Variants in MAN1A2 observed in about 807,000 individuals in gnomAD.
MAN1A2 encodes the protein mannosyl-oligosaccharide 1,2-alpha-mannosidase IB.
Under a neutral mutation model 75.7 loss-of-function variants are expected in MAN1A2, and 26 were observed. That is an observed-to-expected ratio of 0.34 (90% confidence interval 0.25 to 0.48). The LOEUF (loss-of-function observed/expected upper bound fraction) is 0.48. Ranked by LOEUF, MAN1A2 falls within the 20% of genes least tolerant of loss-of-function variation. MAN1A2 has a pLI of 0.99. For synonymous variants in MAN1A2, 247 were observed against 264.6 expected (o/e 0.93, Z 0.65); for missense variants, 562 against 775.5 (o/e 0.72, Z 3.27).
At chr1:117,513,488 G>T (rs1446699163) in intron 12 of MAN1A2, among the ~76,000 whole-genome samples, 1 of 151,728 alleles carries the variant, frequency 6.6e-6, no homozygotes, top group Non-Finnish European at 1.5e-5. Flanking sequence ...ACTTTTTGAT[G>T]GTCCGTTAAT....
intron 1 of MAN1A2, among the ~76,000 whole-genome samples, chr1:117,370,668 A>G (rs1034041906): frequency 4.6e-5 from 7 of 152,054 alleles, no homozygotes; most frequent in Non-Finnish European, 7.4e-5. Context: ...TACTAAGATC[A>G]TATGTATTTT....
intron 6 of MAN1A2, among the ~76,000 whole-genome samples, chr1:117,452,399 C>G (rs1378404725): frequency 6.6e-6 from 1 of 151,890 alleles, no homozygotes; most frequent in Non-Finnish European, 1.5e-5. Flanking sequence ...AAAAACTAGG[C>G]CTCTTGTGCC....
intron 4 of MAN1A2, among the ~76,000 whole-genome samples, chr1:117,416,770 C>T (rs1026947444): frequency 6.6e-6 from 1 of 152,136 alleles, no homozygotes; most frequent in African/African-American, 2.4e-5. Flanking sequence ...AGCTTGGGCT[C>T]TATGGAACTG....
chr1:117,371,225 T>C (rs1373703373), intron 1 of MAN1A2, among the ~76,000 whole-genome samples: 1 of 152,154 alleles, frequency 6.6e-6, no homozygotes, highest in Non-Finnish European at 1.5e-5. Flanking sequence ...TAGGGTACAG[T>C]TTGATTAATA....
chr1:117,421,905 A>G (rs966987053), intron 5 of MAN1A2, among the ~76,000 whole-genome samples: 2 of 152,098 alleles, frequency 1.3e-5, no homozygotes, highest in Admixed American at 1.3e-4. Flanking sequence ...GGACCGATTC[A>G]GTGGGTTTAG....
chr1:117,375,476 GT>G, intron 1 of MAN1A2, among the ~76,000 whole-genome samples: 1 of 152,072 alleles, frequency 6.6e-6, no homozygotes, highest in South Asian at 2.1e-4. Context: ...AAGAACACAG[GT>G]GTTGTTTTTC....
At position 117,528,059 on chromosome 1, in the gene MAN1A2, T is replaced by C. The variant is rs1025229201; in HGVS notation, c.*5102T>C. The C allele has an allele frequency of 2.6e-5, 4 of 152,036 alleles. No homozygotes were observed. The highest frequency in any genetic ancestry group is 9.7e-5 in the African/African-American group (4 of 41,408). The allele number at this position is 152,036 out of a possible 1,614,324, so 9.4% of individuals were successfully genotyped here. On this transcript the variant is annotated 3_prime_UTR_variant, in exon 13 of 13. Transcript: ENST00000356554. ...ATCCTTTACAAGTAAGTAGCATTAT[T>C]TCAGAATGTCTATATGCATCATTTT...
intron 10 of MAN1A2, among the ~76,000 whole-genome samples, chr1:117,497,349 G>C (rs1651063141): frequency 6.6e-6 from 1 of 151,918 alleles, no homozygotes; most frequent in African/African-American, 2.4e-5. Context: ...CAGTTATATT[G>C]CCTTGCCTAT....
chr1:117,435,456 A>T (rs1648818620), intron 5 of MAN1A2, among the ~76,000 whole-genome samples: 1 of 152,212 alleles, frequency 6.6e-6, no homozygotes, highest in East Asian at 1.9e-4. Context: ...GATCTGTTTC[A>T]GTGAAATGAT....
At chr1:117,486,930 A>G (rs1469952722) in intron 8 of MAN1A2, among the ~76,000 whole-genome samples, 2 of 152,092 alleles carry the variant, frequency 1.3e-5, no homozygotes, top group East Asian at 3.9e-4. Context: ...AAATTTAATC[A>G]GTGTTTAAGT....
At chr1:117,431,197 GAGGGGGAGGGGGA>G (rs1397457631) in intron 5 of MAN1A2, among the ~76,000 whole-genome samples, 15 of 28,434 alleles carry the variant, frequency 5.3e-4, no homozygotes, top group Non-Finnish European at 9.2e-4. Context: ...TGGGGAGAGG[GAGGGGGAGGGGGA>G]GGGGGAGGGG....
intron 2 of MAN1A2, among the ~76,000 whole-genome samples, chr1:117,404,603 G>A (rs576981944): frequency 6.6e-6 from 1 of 152,168 alleles, no homozygotes; most frequent in South Asian, 2.1e-4. Context: ...TCAGATTGCA[G>A]AATAAAAAAG....
At chr1:117,474,664 T>G (rs1339844879) in intron 8 of MAN1A2, among the ~76,000 whole-genome samples, 4 of 151,996 alleles carry the variant, frequency 2.6e-5, no homozygotes, top group African/African-American at 9.7e-5. Context: ...TATTCTTTGG[T>G]TTTGTTTATT....
intron 1 of MAN1A2, among the ~76,000 whole-genome samples, chr1:117,390,594 T>C (rs879698906): frequency 1.3e-4 from 19 of 151,890 alleles, no homozygotes; most frequent in Admixed American, 7.2e-4. Context: ...TCTGTTCTTT[T>C]GTTTTATATT....
chr1:117,431,185 C>G (rs1298993274), intron 5 of MAN1A2, among the ~76,000 whole-genome samples: 2 of 61,756 alleles, frequency 3.2e-5, no homozygotes, highest in East Asian at 1.1e-3. Context: ...AGAGGGAGAC[C>G]GTGGGGAGAG....
intron 5 of MAN1A2, among the ~76,000 whole-genome samples, chr1:117,421,775 C>G (rs974495926): frequency 1.1e-4 from 16 of 151,746 alleles, no homozygotes; most frequent in Non-Finnish European, 2.2e-4. Flanking sequence ...CATTTAAATT[C>G]ACATTTAATA....
chr1:117,375,459 G>A (rs1198077711), intron 1 of MAN1A2, among the ~76,000 whole-genome samples: 2 of 152,112 alleles, frequency 1.3e-5, no homozygotes, highest in Non-Finnish European at 2.9e-5. Flanking sequence ...GTAATCTGGA[G>A]ATTACAAAGA....
At chr1:117,514,870 A>C in intron 12 of MAN1A2, 1 of 532,986 alleles carries the variant, frequency 1.9e-6, no homozygotes, top group Non-Finnish European at 3.9e-6. Flanking sequence ...CCATGAGAGA[A>C]CTGTTTTTCC....
chr1:117,511,562 C>T (rs1300251180), intron 12 of MAN1A2, among the ~76,000 whole-genome samples: 1 of 151,976 alleles, frequency 6.6e-6, no homozygotes, highest in Admixed American at 6.6e-5. Flanking sequence ...ACTATGATCT[C>T]CCCAGCACCT....
Sources: gnomAD v4.1 joint callset for allele counts (sites outside exome capture counted in the v4.1 genomes callset) on GRCh38, gnomAD v4.1.1 for gene constraint, MANE v1.5 for transcripts, NCBI Gene and HGNC (gene_info 2026-07-23, HGNC 2026-07-21) for gene names.